PACC1: variants seen among roughly 807,000 people sequenced by gnomAD.
PACC1 encodes proton-activated chloride channel.
Under a neutral mutation model 39.7 loss-of-function variants are expected in PACC1, and 34 were observed. That is an observed-to-expected ratio of 0.86 (90% CI 0.65 to 1.14). The LOEUF (loss-of-function observed/expected upper bound fraction) is 1.14, where lower values mean the gene tolerates loss of function less well. PACC1 is among the 50% of genes most tolerant of loss of function. PACC1 has a pLI of 0.00. For synonymous variants in PACC1, 127 were observed against 160.6 expected (o/e 0.79, Z 1.58); for missense variants, 379 against 436.4 (o/e 0.87, Z 1.17).
intron 2 of PACC1, among the ~76,000 whole-genome samples, chr1:212,396,397 C>T (rs1036766704): frequency 5.3e-5 from 8 of 151,786 alleles, no homozygotes; most frequent in South Asian, 2.1e-4. Context: ...TGAGAACACT[C>T]GGACACAGGA....
At position 212,375,254 on chromosome 1, in the gene PACC1, C is replaced by A. The variant is rs1558165563; in HGVS notation, c.830G>T (p.Ser277Ile). The change falls in exon 7 of 8, where the codon AGT becomes ATT. Residue 277 changes from serine to isoleucine, a missense_variant. By Grantham distance (142) the Ser-to-Ile change is moderately radical. Coordinates refer to ENST00000261455, the MANE Select transcript of PACC1 (RefSeq NM_018252.3). ...AAAGACCACAAAAAACAATTGAGCA[C>A]TTTTTTTGGCAGCTGGCCTCTGGTC... ...YIDQRPAAKK[S>I]AQLFFVVFEW... The A allele has an allele frequency of 1.2e-6, 2 of 1,613,906 alleles. No homozygotes were observed. The highest frequency in any genetic ancestry group is 2.2e-5 in the South Asian group (2 of 91,076).
At chr1:212,414,056 T>C (rs2102554394) in intron 1 of PACC1, 1 of 1,534,972 alleles carries the variant, frequency 6.5e-7, no homozygotes, top group African/African-American at 1.4e-5. Context: ...CAGGGCTTGC[T>C]TGAAGGAAGC....
At chr1:212,368,017 G>A (rs1034516354) in intron 7 of PACC1, among the ~76,000 whole-genome samples, 1 of 152,068 alleles carries the variant, frequency 6.6e-6, no homozygotes, top group African/African-American at 2.4e-5. Flanking sequence ...CCAACTCCAG[G>A]CAACTCAGAG....
At position 212,377,571 on chromosome 1, in the gene PACC1, G is replaced by C; in HGVS notation, c.774C>G (p.Phe258Leu). ...ACCCAGAGCCACCTACCTCCTGCCG[G>C]AACTCCACTGCTTCCCGCCCATCCT... ...KEEDGREAVE[F>L]RQETSVVNYI... The change falls in exon 6 of 8, where the codon TTC becomes TTG. Residue 258 changes from phenylalanine to leucine, a missense_variant. By Grantham distance (22) the Phe-to-Leu change is conservative. Coordinates refer to ENST00000261455, the MANE Select transcript of PACC1 (RefSeq NM_018252.3). 1 of 1,614,088 alleles carries C rather than the reference G, an allele frequency of 6.2e-7. No individual in the cohort carries two copies. Among genetic ancestry groups the C allele is most frequent in the Non-Finnish European group, 8.5e-7 (1 of 1,179,982 alleles).
intron 2 of PACC1, among the ~76,000 whole-genome samples, chr1:212,397,229 G>C (rs774572131): frequency 7.2e-5 from 11 of 152,042 alleles, no homozygotes; most frequent in Non-Finnish European, 1.0e-4. Context: ...ATATGGTAAG[G>C]TTTATAACTT....
rs201820675 is a variant in PACC1, at chr1:212,379,985, A to T, written c.548T>A (p.Val183Asp). ...CTTGTTCAGGCGGAACTGGAGGAAG[A>T]CCAGCTCCCGCTTTTTCACTTCCCG... ...GPREVKKREL[V>D]FLQFRLNKSS... Residue 183 changes from valine (V) to aspartate (D), a missense_variant, in exon 5 of 8, where the codon GTC (valine) becomes GAC (aspartate). Coordinates refer to ENST00000261455, the MANE Select transcript of PACC1 (RefSeq NM_018252.3). The T allele has an allele frequency of 9.9e-6, 16 of 1,614,090 alleles. No individual in the cohort carries two copies. In the South Asian group the frequency reaches 1.5e-4, roughly 16 times the overall value.
chr1:212,376,307 T>G (rs1660664405), intron 6 of PACC1, among the ~76,000 whole-genome samples: 1 of 152,176 alleles, frequency 6.6e-6, no homozygotes, highest in Non-Finnish European at 1.5e-5. Context: ...CACTCTAAAC[T>G]CTAAAATGTG....
chr1:212,376,489 A>G (rs1660670806), intron 6 of PACC1, among the ~76,000 whole-genome samples: 1 of 152,146 alleles, frequency 6.6e-6, no homozygotes, highest in Non-Finnish European at 1.5e-5. Flanking sequence ...TCCAGGGTAG[A>G]TGGGGTTGAA....
intron 2 of PACC1, among the ~76,000 whole-genome samples, chr1:212,394,238 C>T (rs1661431769): frequency 6.6e-6 from 1 of 152,328 alleles, no homozygotes; most frequent in Non-Finnish European, 1.5e-5. Context: ...GCTTATCCAC[C>T]ATGATCAAGT....
Position 212,389,897 on chromosome 1 carries a change from AC to A in PACC1, c.134-2798del, listed in dbSNP as rs538806849. Among the ~76,000 whole-genome samples the A allele has an allele frequency of 2.0e-4, 31 of 152,344 alleles. 1 individual carries two copies. In the South Asian group the frequency reaches 6.4e-3, roughly 32 times the overall value. ...AAAATGTTTCATAAAATTTAAAAAA[AC>A]AGATGGAAATTCCAGATCTGACAAG... On this transcript the variant is annotated intron_variant, in intron 2 of 7. Transcript: ENST00000261455.
Position 212,414,576 on chromosome 1 carries a change from G to A in PACC1, c.36+146C>T, listed in dbSNP as rs1458008907. Reference sequence around the variant, plus strand: ...CCCCTGGGCCGCTCCTCTGCACCCCGGGAGCCCTCCCCTGACGCACCCGTC... The same window carrying A: ...CCCCTGGGCCGCTCCTCTGCACCCCAGGAGCCCTCCCCTGACGCACCCGTC... On this transcript the variant is annotated intron_variant, in intron 1 of 7. Transcript: ENST00000261455. 7 of 1,025,882 alleles carry A rather than the reference G, an allele frequency of 6.8e-6. No homozygotes were observed. In the East Asian group the frequency reaches 1.6e-4, roughly 24 times the overall value. The allele number at this position is 1,025,882 out of a possible 1,614,324, so 63.5% of individuals were successfully genotyped here.
chr1:212,412,867 C>A (rs1318691514), intron 1 of PACC1, among the ~76,000 whole-genome samples: 1 of 152,134 alleles, frequency 6.6e-6, no homozygotes, highest in Non-Finnish European at 1.5e-5. Flanking sequence ...CTGAGCCAAG[C>A]GCTTTCCACA....
chr1:212,387,575 G>C (rs1238260260), intron 2 of PACC1: 1 of 161,332 alleles, frequency 6.2e-6, no homozygotes, highest in Non-Finnish European at 1.4e-5. Context: ...CTGTTCTTCT[G>C]GAGTGCCCTT....
chr1:212,391,566 C>G (rs535574701), intron 2 of PACC1, among the ~76,000 whole-genome samples: 1 of 152,206 alleles, frequency 6.6e-6, no homozygotes, highest in Admixed American at 6.5e-5. Context: ...CAGCTCCTCA[C>G]CAGCAACGGA....
chr1:212,375,336 C>G (rs766164852), intron 6 of PACC1, 36 bp from the exon 7 acceptor site: 39 of 1,450,660 alleles, frequency 2.7e-5, no homozygotes, highest in Non-Finnish European at 3.7e-5. Flanking sequence ...GTTACCACCT[C>G]TGTGTGCCCT....
chr1:212,386,867 G>T lies in PACC1; in HGVS notation c.343+24C>A, dbSNP rs2102499218. 1 of 1,611,644 alleles carries T rather than the reference G, an allele frequency of 6.2e-7. No homozygotes were observed. The highest frequency in any genetic ancestry group is 1.1e-5 in the South Asian group (1 of 90,968). On this transcript the variant is annotated intron_variant, in intron 3 of 7. Transcript: ENST00000261455. This position sits in a 1 kb window ranked among gnomAD's most constrained non-coding sequence, Gnocchi z 5.0. ...GACACCCTAGATCTGGGGCCCTGAT[G>T]CCTGGCCCAGGGGCAGGCTCTACCT...
chr1:212,386,852 A>T lies in PACC1; in HGVS notation c.343+39T>A. On this transcript the variant is annotated intron_variant, in intron 3 of 7. Transcript: ENST00000261455. This position sits in a 1 kb window ranked among gnomAD's most constrained non-coding sequence, Gnocchi z 5.0. ...GAGTATCTGCCAGCTGACACCCTAG[A>T]TCTGGGGCCCTGATGCCTGGCCCAG... 1 of 1,602,998 alleles carries T rather than the reference A, an allele frequency of 6.2e-7. No individual in the cohort carries two copies. Among genetic ancestry groups the T allele is most frequent in the Non-Finnish European group, 8.5e-7 (1 of 1,170,316 alleles).
chr1:212,365,885 C>T (rs1387780317), intron 7 of PACC1, among the ~76,000 whole-genome samples: 2 of 152,166 alleles, frequency 1.3e-5, no homozygotes, highest in Non-Finnish European at 2.9e-5. Flanking sequence ...ATGAATTTCC[C>T]TAAAACTATA....
chr1:212,407,107 A>C (rs954817872), intron 2 of PACC1, among the ~76,000 whole-genome samples: 18 of 152,244 alleles, frequency 1.2e-4, no homozygotes, highest in African/African-American at 4.3e-4. Flanking sequence ...TAAGGTTGCT[A>C]ATCAGCTGAC....
Sources: gnomAD v4.1 joint callset for allele counts (sites outside exome capture counted in the v4.1 genomes callset) on GRCh38, gnomAD v4.1.1 for gene constraint, Gnocchi (gnomAD v3.1) non-coding constraint, MANE v1.5 for transcripts, NCBI Gene and HGNC (gene_info 2026-07-23, HGNC 2026-07-21) for gene names.